APBB2: variants seen among roughly 807,000 people sequenced by gnomAD.
APBB2 encodes the protein Fe65-like 1.
In APBB2, 38 loss-of-function variants were observed where a neutral mutation model predicts 82.5. The ratio of observed to expected loss-of-function variants is 0.46; its 90% CI spans 0.36 to 0.60. The LOEUF is 0.60. APBB2 is among the 20% of genes least tolerant of loss of function. The probability of loss-of-function intolerance (pLI) is 0.00; values close to 1 mark genes in which losing one functional copy is unlikely to be tolerated. For missense variants in APBB2, 772 were observed against 972.3 expected, an observed-to-expected ratio of 0.79 and a Z score of 2.74; for synonymous variants, 341 against 368.2, an observed-to-expected ratio of 0.93 and a Z score of 0.85.
intron 12 of APBB2, among the ~76,000 whole-genome samples, chr4:40,863,997 G>A (rs1028259344): frequency 2.1e-4 from 32 of 149,874 alleles, no homozygotes; most frequent in Non-Finnish European, 4.4e-4. Context: ...AGTGGCTCAC[G>A]CCTGTAATCC....
At chr4:41,038,135 C>G (rs1719965569) in intron 4 of APBB2, among the ~76,000 whole-genome samples, 1 of 151,718 alleles carries the variant, frequency 6.6e-6, no homozygotes, top group Non-Finnish European at 1.5e-5. Flanking sequence ...GATAATGCTA[C>G]TAGGGATCAA....
intron 12 of APBB2, among the ~76,000 whole-genome samples, chr4:40,854,659 G>T (rs947478314): frequency 3.3e-5 from 5 of 151,894 alleles, no homozygotes; most frequent in Admixed American, 2.0e-4. Context: ...TGTGGTGGCG[G>T]GCGCCTGTAA....
intron 1 of APBB2, among the ~76,000 whole-genome samples, chr4:41,152,205 T>C (rs1407739128): frequency 6.6e-6 from 1 of 152,202 alleles, no homozygotes; most frequent in East Asian, 1.9e-4. Flanking sequence ...TAGTTGTGAT[T>C]ACATGTTTTC....
At chr4:41,070,902 T>C (rs1334532734) in intron 3 of APBB2, among the ~76,000 whole-genome samples, 1 of 152,240 alleles carries the variant, frequency 6.6e-6, no homozygotes, top group African/African-American at 2.4e-5. Flanking sequence ...AGGAAGGGAA[T>C]ATATTTGCCA....
chr4:41,191,604 T>C lies in APBB2; in HGVS notation c.-417+22801A>G, dbSNP rs28533203. ...AAAACTGGACCCTTATCTTATACCA[T>C]ACATAAAAATCAACTCAAAATGGAT... On this transcript the variant is annotated intron_variant, in intron 1 of 17. Coordinates refer to ENST00000508593, the MANE Select transcript of APBB2 (RefSeq NM_004307.2). Among the ~76,000 whole-genome samples, 117 of 152,194 alleles carry C rather than the reference T, an allele frequency of 7.7e-4. 1 individual carries two copies. The highest frequency in any genetic ancestry group is 3.4e-3 in the Middle Eastern group (1 of 294).
At chr4:40,940,761 G>A (rs534319199) in intron 7 of APBB2, among the ~76,000 whole-genome samples, 1 of 152,292 alleles carries the variant, frequency 6.6e-6, no homozygotes, top group South Asian at 2.1e-4. Flanking sequence ...TCTTCTGTAG[G>A]AAGACCAAAA....
intron 2 of APBB2, among the ~76,000 whole-genome samples, chr4:41,115,981 T>C (rs1158455896): frequency 1.3e-5 from 2 of 152,264 alleles, no homozygotes; most frequent in East Asian, 3.9e-4. Context: ...ACAAAAAGAT[T>C]ATAAATCATT....
At chr4:40,870,350 C>A (rs567135434) in intron 12 of APBB2, among the ~76,000 whole-genome samples, 12 of 152,242 alleles carry the variant, frequency 7.9e-5, no homozygotes, top group African/African-American at 2.6e-4. Context: ...GGGACCCGTG[C>A]CAAGCCCTCT....
At chr4:40,838,138 TTATTA>T (rs1560657355) in intron 12 of APBB2, among the ~76,000 whole-genome samples, 7 of 20,168 alleles carry the variant, frequency 3.5e-4, no homozygotes, top group African/African-American at 2.2e-3. Flanking sequence ...CAAGTGGGCA[TTATTA>T]TTATTATTAT....
At chr4:40,943,534 C>G (rs1787579313) in intron 7 of APBB2, among the ~76,000 whole-genome samples, 1 of 152,182 alleles carries the variant, frequency 6.6e-6, no homozygotes, top group Non-Finnish European at 1.5e-5. Context: ...CAGGATCCAA[C>G]TGGGTGGGGA....
intron 1 of APBB2, among the ~76,000 whole-genome samples, chr4:41,186,679 G>C (rs1772993141): frequency 1.3e-5 from 2 of 152,098 alleles, no homozygotes; most frequent in Admixed American, 1.3e-4. Flanking sequence ...CCATACCCTT[G>C]ACTTACATTG....
Position 40,945,054 on chromosome 4 carries a change from G to A in APBB2, c.855C>T (p.His285=), listed in dbSNP as rs1242934044. Residue 285 remains histidine, a synonymous_variant, in exon 7 of 18, where the codon CAC becomes CAT. Coordinates refer to ENST00000508593, the MANE Select transcript of APBB2 (RefSeq NM_004307.2). ...PDETADIWSD[H]SFQTDPDLPP... ...GCAAATCTGGATCAGTCTGAAATGA[G>A]TGATCACTCCATATATCTGCTGAAA... is the stretch of plus-strand genomic sequence containing the variant. 2.1e-6 allele frequency: 3 copies of A among 1,424,290 alleles called. No homozygotes were observed. The highest frequency in any genetic ancestry group is 2.8e-6 in the Non-Finnish European group (3 of 1,057,054). The allele number at this position is 1,424,290 out of a possible 1,614,324, so 88.2% of individuals were successfully genotyped here. A position where few individuals can be genotyped will look rare whatever the true frequency, so the allele number is the denominator to read the frequency against.
At chr4:40,942,475 C>T (rs961262203) in intron 7 of APBB2, among the ~76,000 whole-genome samples, 1 of 152,190 alleles carries the variant, frequency 6.6e-6, no homozygotes, top group Non-Finnish European at 1.5e-5. Context: ...AGCTGAGGGA[C>T]ACTTAACTCA....
At position 41,124,280 on chromosome 4, in the gene APBB2, G is replaced by A. The variant is rs533038642; in HGVS notation, c.-261+18707C>T. On this transcript the variant is annotated intron_variant, in intron 2 of 17. Coordinates refer to ENST00000508593, the MANE Select transcript of APBB2 (RefSeq NM_004307.2). ...GTCGCCCAGGCTGGAGTGCAGTGGC[G>A]TGATCTCGGCTCACTGCAAGCTCCG... Among the ~76,000 whole-genome samples the A allele has an allele frequency of 3.0e-4, 46 of 152,170 alleles. No homozygotes were observed. In the South Asian group the frequency reaches 7.7e-3, roughly 25 times the overall value.
chr4:40,980,800 A>AT (rs1401787323), intron 6 of APBB2, among the ~76,000 whole-genome samples: 2 of 152,156 alleles, frequency 1.3e-5, no homozygotes, highest in African/African-American at 4.8e-5. Flanking sequence ...CAAAGGCACT[A>AT]TTTCCCCAAC....
chr4:40,843,086 T>C (rs1341805312), intron 12 of APBB2, among the ~76,000 whole-genome samples: 4 of 152,210 alleles, frequency 2.6e-5, no homozygotes, highest in African/African-American at 9.7e-5. Context: ...TGAAGTCACT[T>C]AATCCCCTGA....
intron 10 of APBB2, among the ~76,000 whole-genome samples, chr4:40,926,600 T>C (rs980740485): frequency 6.6e-6 from 1 of 152,212 alleles, no homozygotes; most frequent in African/African-American, 2.4e-5. Flanking sequence ...GACAGGCATG[T>C]GCCACCACGC....
chr4:40,864,799 A>C (rs970778430), intron 12 of APBB2, among the ~76,000 whole-genome samples: 4 of 151,400 alleles, frequency 2.6e-5, no homozygotes, highest in African/African-American at 9.7e-5. Context: ...GGTGAGCATA[A>C]ATTGTTATCC....
chr4:41,047,793 TTATC>T (rs528216783), intron 4 of APBB2, among the ~76,000 whole-genome samples: 1 of 152,138 alleles, frequency 6.6e-6, no homozygotes, highest in Non-Finnish European at 1.5e-5. Flanking sequence ...TTTGCTGAGT[TTATC>T]TATCTCTGAT....
Sources: allele counts gnomAD v4.1 joint callset (sites outside exome capture counted in the v4.1 genomes callset), GRCh38; gene constraint gnomAD v4.1.1; transcripts MANE v1.5; gene names NCBI Gene and HGNC (gene_info 2026-07-23, HGNC 2026-07-21).